DPH1: variants seen among roughly 807,000 people sequenced by gnomAD.
The protein encoded by DPH1 is 2-(3-amino-3-carboxypropyl)histidine synthase subunit 1.
DPH1 carries 59 observed loss-of-function variants against 55.3 expected under a neutral mutation model. The observed-to-expected ratio is 1.07, with a 90% CI of 0.87 to 1.33. The LOEUF is 1.33. DPH1 is among the 40% of genes most tolerant of loss of function. The pLI is 0.00. For synonymous variants in DPH1, 238 were observed against 235.5 expected, an observed-to-expected ratio of 1.01 and a Z score of -0.10; for missense variants, 628 against 584.8, an observed-to-expected ratio of 1.07 and a Z score of -0.76.
rs145623725 is a variant in DPH1 at position 2,030,342 on chromosome 17, C to T, written c.61+112C>T. On this transcript the variant is annotated intron_variant, in intron 1 of 12. Transcript: ENST00000263083. ...CGGCGGCGCCTTTCTCCGCTAGATC[C>T]CGCTGTTAGTCGCCTTGGGCCGCTG... The T allele has an allele frequency of 6.4e-4, 827 of 1,285,626 alleles. 5 individuals are homozygous for T. The African/African-American group carries it at 0.011, about 17-fold the overall frequency. The allele number at this position is 1,285,626 out of a possible 1,614,324, so 79.6% of individuals were successfully genotyped here. A position where few individuals can be genotyped will look rare whatever the true frequency, so the allele number is the denominator to read the frequency against.
At position 2,041,177 on chromosome 17, in the gene DPH1, A is replaced by C; in HGVS notation, c.1082A>C (p.Tyr361Ser). 1 of 1,603,794 alleles carries C rather than the reference A, an allele frequency of 6.2e-7. No individual in the cohort carries two copies. Among genetic ancestry groups the C allele is most frequent in the South Asian group, 1.1e-5 (1 of 89,208 alleles). ...TAFPKPLLTPYEAAVALRDIS... is the reference protein window; with the variant it reads ...TAFPKPLLTPSEAAVALRDIS... ...TTCCCCAAGCCGCTGCTGACACCCT[A>C]TGAGGTAACACCAAGCTCTGGGAGA... Residue 361 changes from tyrosine (Y) to serine (S), a missense_variant, in exon 10 of 13, where the codon TAT becomes TCT. Transcript: ENST00000263083.
Position 2,043,043 on chromosome 17 carries a change from T to C in DPH1, c.*457T>C, listed in dbSNP as rs1349068173. On this transcript the variant is annotated 3_prime_UTR_variant, in exon 13 of 13. Transcript: ENST00000263083. Reference sequence around the variant, plus strand: ...CTCACCCACTCTGGTGGCCACTTCATTCCAGCAGCTGCACCCCAGCGTCAG... The same window carrying C: ...CTCACCCACTCTGGTGGCCACTTCACTCCAGCAGCTGCACCCCAGCGTCAG... 2.5e-6 allele frequency: 4 copies of C among 1,614,040 alleles called. No individual in the cohort carries two copies. Among genetic ancestry groups the C allele is most frequent in the Middle Eastern group, 1.6e-4 (1 of 6,062 alleles).
At chr17:2,034,963 A>G (rs1163821244) in intron 3 of DPH1, 2 of 148,828 alleles carry the variant, frequency 1.3e-5, no homozygotes, top group Non-Finnish European at 3.0e-5. Context: ...ATACATTTTA[A>G]TCTATAAAAA....
chr17:2,032,582 A>T (rs2067345481), intron 1 of DPH1, among the ~76,000 whole-genome samples: 1 of 152,204 alleles, frequency 6.6e-6, no homozygotes, highest in Non-Finnish European at 1.5e-5. Flanking sequence ...ACCAAACTCA[A>T]CTTGGGTCTT....
rs1164076235 is a variant in DPH1, at chr17:2,043,349, C to T, written c.*763C>T. 3 of 494,718 alleles carry T rather than the reference C, an allele frequency of 6.1e-6. No homozygotes were observed. The highest frequency in any genetic ancestry group is 1.1e-5 in the Non-Finnish European group (3 of 283,242). 30.6% of individuals were successfully genotyped at this position (494,718 alleles called of 1,614,324 possible). On this transcript the variant is annotated 3_prime_UTR_variant, in exon 13 of 13. Transcript: ENST00000263083. Reference sequence around the variant, plus strand: ...CAAACATGAATATGGTTGGAGAGCCCTGGATTAGGAGGGTGACATGGGGAA... The same window carrying T: ...CAAACATGAATATGGTTGGAGAGCCTTGGATTAGGAGGGTGACATGGGGAA...
intron 3 of DPH1, among the ~76,000 whole-genome samples, chr17:2,034,548 C>A (rs1246853916): frequency 3.0e-5 from 3 of 100,006 alleles, no homozygotes; most frequent in African/African-American, 1.2e-4. Context: ...GCTGCCCCAT[C>A]CCCCTCCCCT....
chr17:2,040,950 G>T, intron 9 of DPH1, 153 bp from the exon 10 acceptor site: 1 of 768,790 alleles, frequency 1.3e-6, no homozygotes, highest in Non-Finnish European at 2.2e-6. Context: ...CAACAATACA[G>T]TATTCCAAAC....
Position 2,042,723 on chromosome 17 carries a change from G to A in DPH1, c.*137G>A, listed in dbSNP as rs2067565983. 6.4e-7 allele frequency: 1 copy of A among 1,564,698 alleles called. No individual in the cohort carries two copies. The highest frequency in any genetic ancestry group is 8.6e-7 in the Non-Finnish European group (1 of 1,157,456). ...GGGGCCTGGAGGAATCACTGGGGAT[G>A]GTGGCACAGGCACTGAACAGGCTGG... is the stretch of plus-strand genomic sequence containing the variant. On this transcript the variant is annotated 3_prime_UTR_variant, in exon 13 of 13. Transcript: ENST00000263083.
chr17:2,037,323 C>T (rs778780102), intron 6 of DPH1: 7 of 173,302 alleles, frequency 4.0e-5, no homozygotes, highest in Admixed American at 5.9e-5. Flanking sequence ...TGTCTCCTGC[C>T]GCCTAATTAT....
At chr17:2,034,495 C>T (rs1454602905) in intron 3 of DPH1, among the ~76,000 whole-genome samples, 1 of 124,972 alleles carries the variant, frequency 8.0e-6, no homozygotes, top group East Asian at 2.6e-4. Flanking sequence ...CTCCCTCCCC[C>T]TCCCCTTCTC....
chr17:2,037,356 T>C (rs560467523), intron 6 of DPH1: 7 of 160,792 alleles, frequency 4.4e-5, no homozygotes, highest in Non-Finnish European at 9.5e-5. Context: ...AAATGCTTAA[T>C]GTTGTGTGAA....
chr17:2,042,352 C>T (rs2067553905), intron 12 of DPH1: 3 of 1,351,282 alleles, frequency 2.2e-6, no homozygotes, highest in Non-Finnish European at 9.6e-7. Flanking sequence ...AGTCCACACC[C>T]TTCATTTCTC....
Position 2,042,613 on chromosome 17 carries a change from C to G in DPH1, c.*27C>G, listed in dbSNP as rs763479379. On this transcript the variant is annotated 3_prime_UTR_variant, in exon 13 of 13. Transcript: ENST00000263083. ...TCCTCATATCGCTGTAGGGTCCTGC[C>G]CTCCGGAGGAGCAGCCTCGAGGCTG... 1.3e-6 allele frequency: 2 copies of G among 1,519,142 alleles called. No homozygotes were observed. The highest frequency in any genetic ancestry group is 2.8e-5 in the African/African-American group (2 of 71,664). The allele number at this position is 1,519,142 out of a possible 1,614,324, so 94.1% of individuals were successfully genotyped here. A position where few individuals can be genotyped will look rare whatever the true frequency, so the allele number is the denominator to read the frequency against.
rs1230120303 is a variant in DPH1 at position 2,040,379 on chromosome 17, G to T, written c.906+5G>T. 1 of 1,613,938 alleles carries T rather than the reference G, an allele frequency of 6.2e-7. No homozygotes were observed. The highest frequency in any genetic ancestry group is 1.7e-5 in the Admixed American group (1 of 60,028). ...GGCAGTCCTAAGATCCTGGAGGTCA[G>T]TGGGCTCAGGACAGCCTCTGGAGGA... On this transcript the variant is annotated splice_donor_5th_base_variant and intron_variant, in intron 8 of 12. Coordinates refer to ENST00000263083, the MANE Select transcript of DPH1 (RefSeq NM_001383.6).
rs1374145026 is a variant in DPH1 at position 2,036,228 on chromosome 17, C to T, written c.400+137C>T. The T allele has an allele frequency of 2.1e-6, 3 of 1,418,046 alleles. No individual in the cohort carries two copies. The highest frequency in any genetic ancestry group is 2.8e-6 in the Non-Finnish European group (3 of 1,067,540). The allele number at this position is 1,418,046 out of a possible 1,614,324, so 87.8% of individuals were successfully genotyped here. A position where few individuals can be genotyped will look rare whatever the true frequency, so the allele number is the denominator to read the frequency against. ...CTCCTGGTTTCTGGGGTGGCCTCTG[C>T]CTTCCCGCTCTGCAGGTAGATCTTT... is the stretch of plus-strand genomic sequence containing the variant. On this transcript the variant is annotated intron_variant, in intron 4 of 12. Transcript: ENST00000263083. The surrounding 1 kb of genome is among the most constrained non-coding windows in gnomAD (Gnocchi z 4.8).
intron 7 of DPH1, 100 bp downstream of exon 7, chr17:2,039,923 G>A: frequency 1.3e-6 from 2 of 1,549,122 alleles, no homozygotes; most frequent in Non-Finnish European, 1.8e-6. Flanking sequence ...TGGCCACTAA[G>A]CCACCAGCCC....
chr17:2,040,258 G>T lies in DPH1; in HGVS notation c.790G>T (p.Asp264Tyr). 6.2e-7 allele frequency: 1 copy of T among 1,614,054 alleles called. No homozygotes were observed. The highest frequency in any genetic ancestry group is 1.1e-5 in the South Asian group (1 of 91,070). The change falls in exon 8 of 13, where the codon GAC (aspartate) becomes TAC (tyrosine). Residue 264 changes from aspartate (D) to tyrosine (Y), a missense_variant. Physicochemically the swap from Asp to Tyr is radical, Grantham distance 160. Transcript: ENST00000263083. ...CAAAGTCCTATCCAGAGAACACTAT[G>T]ACCACCAGCGCATGCAGGCTGCTCG... ...YSKVLSREHYDHQRMQAARQE... is the reference protein window; with the variant it reads ...YSKVLSREHYYHQRMQAARQE...
chr17:2,035,436 CCCTGCCTGTGGTGGG>C (rs2067402899), intron 3 of DPH1, among the ~76,000 whole-genome samples: 4 of 140,484 alleles, frequency 2.8e-5, no homozygotes, highest in Non-Finnish European at 6.2e-5. Flanking sequence ...GACGAGAGGG[CCCTGCCTGTGGTGGG>C]GAGGTAGTGG....
Position 2,041,860 on chromosome 17 carries a change from C to G in DPH1, c.*3C>G. On this transcript the variant is annotated 3_prime_UTR_variant, in exon 12 of 13. Transcript: ENST00000263083. ...AGGTGGCGCCGCTGGCTCCTTGACGCGCTCCCGGGCCTCAGGTATCAGCCC... is the reference window on the plus strand; with the variant it reads ...AGGTGGCGCCGCTGGCTCCTTGACGGGCTCCCGGGCCTCAGGTATCAGCCC... The G allele has an allele frequency of 6.3e-7, 1 of 1,589,034 alleles. No homozygotes were observed.
Sources: allele counts gnomAD v4.1 joint callset (sites outside exome capture counted in the v4.1 genomes callset), GRCh38; gene constraint gnomAD v4.1.1; non-coding constraint Gnocchi (gnomAD v3.1); transcripts MANE v1.5; gene names NCBI Gene and HGNC (gene_info 2026-07-23, HGNC 2026-07-21).